Variants in ANKRD18B observed in about 807,000 individuals in gnomAD.
The protein encoded by ANKRD18B is ankyrin repeat domain-containing protein 18B.
Under a neutral mutation model 111.8 loss-of-function variants are expected in ANKRD18B, and 75 were observed. The observed-to-expected ratio is 0.67, with a 90% CI of 0.56 to 0.81. The LOEUF is 0.81. Among genes scored for constraint, ANKRD18B ranks in the 40% least tolerant of loss-of-function variants. The pLI, the probability that ANKRD18B is intolerant of heterozygous loss-of-function variation, is 0.00. For synonymous variants in ANKRD18B, 356 were observed against 417.3 expected, an observed-to-expected ratio of 0.85 and a Z score of 1.79; for missense variants, 1,038 against 1,225.5, an observed-to-expected ratio of 0.85 and a Z score of 2.28.
rs1216564360 is a variant in ANKRD18B, at chr9:33,548,525, G to T, written c.1737G>T (p.Gln579His). 6.4e-7 allele frequency: 1 copy of T among 1,551,012 alleles called. No homozygotes were observed. The highest frequency in any genetic ancestry group is 1.4e-5 in the African/African-American group (1 of 72,958). The part of the protein sequence containing the change: ...REKTLALESV[Q>H]LDLKQAQHRI... ...AGACATTGGCTTTAGAAAGTGTACAGCTGGACCTAAAGCAAGCGCAGCATC... is the reference window on the plus strand; with the variant it reads ...AGACATTGGCTTTAGAAAGTGTACATCTGGACCTAAAGCAAGCGCAGCATC... The change falls in exon 11 of 19, where the codon CAG becomes CAT. Residue 579 changes from glutamine to histidine, a missense_variant. Physicochemically the swap from Gln to His is conservative, Grantham distance 24. Coordinates refer to ENST00000684830, the MANE Select transcript of ANKRD18B (RefSeq NM_001393611.1).
intron 13 of ANKRD18B, among the ~76,000 whole-genome samples, chr9:33,556,364 A>G (rs1280072423): frequency 2.6e-5 from 4 of 151,378 alleles, no homozygotes; most frequent in African/African-American, 7.3e-5. Flanking sequence ...CCTGGGTTCA[A>G]GTGATTCTCT....
intron 17 of ANKRD18B, 51 bp from the exon 18 acceptor site, chr9:33,571,195 T>G: frequency 1.3e-6 from 1 of 767,548 alleles, no homozygotes; most frequent in Non-Finnish European, 1.6e-6. Context: ...CATGATAATG[T>G]CTCTTGTTTA....
intron 14 of ANKRD18B, among the ~76,000 whole-genome samples, chr9:33,565,131 C>T (rs56114080): frequency 0.087 from 13,200 of 152,216 alleles, 598 homozygotes; most frequent in South Asian, 0.098. Context: ...TGTTTACTTA[C>T]AATAGTTTGA....
intron 5 of ANKRD18B, among the ~76,000 whole-genome samples, chr9:33,535,705 A>G (rs181895540): frequency 6.4e-4 from 93 of 146,310 alleles, no homozygotes; most frequent in African/African-American, 2.3e-3. Flanking sequence ...TAATTATATT[A>G]TTTTTATATT....
At chr9:33,542,556 G>A (rs13289004) in intron 9 of ANKRD18B, among the ~76,000 whole-genome samples, 1 of 151,962 alleles carries the variant, frequency 6.6e-6, no homozygotes, top group Admixed American at 6.6e-5. Context: ...CAAATTTTCT[G>A]TAGAGTCAGG....
intron 10 of ANKRD18B, among the ~76,000 whole-genome samples, chr9:33,544,460 C>T (rs569520170): frequency 2.5e-4 from 38 of 152,204 alleles, no homozygotes; most frequent in African/African-American, 8.9e-4. Flanking sequence ...CACTTTTGCA[C>T]CTGCAAAAAA....
At chr9:33,525,872 G>A (rs1198675988) in intron 1 of ANKRD18B, among the ~76,000 whole-genome samples, 2 of 150,184 alleles carry the variant, frequency 1.3e-5, no homozygotes, top group Non-Finnish European at 3.0e-5. Flanking sequence ...GTATATATTA[G>A]TAACATAATG....
At chr9:33,573,113 T>C (rs1828808089), downstream of ANKRD18B, 1 of 1,228,814 alleles carries the variant, frequency 8.1e-7, no homozygotes, top group Non-Finnish European at 1.0e-6. Context: ...GTCAGCACTT[T>C]TTTACTTTCT....
intron 14 of ANKRD18B, among the ~76,000 whole-genome samples, chr9:33,561,619 C>T (rs3118174): frequency 0.14 from 21,431 of 152,100 alleles, 1,622 homozygotes; most frequent in South Asian, 0.2. Flanking sequence ...TTTATGCCAA[C>T]GTTTTCTTCT....
chr9:33,524,552 A>C lies in ANKRD18B; in HGVS notation c.63A>C (p.Gln21His), dbSNP rs1411010561. The C allele has an allele frequency of 1.9e-6, 3 of 1,551,272 alleles. No individual in the cohort carries two copies. Among genetic ancestry groups the C allele is most frequent in the African/African-American group, 2.7e-5 (2 of 73,012 alleles). Reference protein sequence around the residue: ...LGQALLSSMDQEYAGRGYHIR... With the variant: ...LGQALLSSMDHEYAGRGYHIR... The stretch of plus-strand genomic sequence containing the variant: ...AGGCGCTCCTGAGCTCCATGGACCA[A>C]GAGTATGCGGGTCGGGGGTACCACA... The change falls in exon 1 of 19, where the codon CAA becomes CAC. Residue 21 changes from glutamine to histidine, a missense_variant. By Grantham distance (24) the Gln-to-His change is conservative (BLOSUM62 0). Transcript: ENST00000684830.
At chr9:33,534,039 A>G (rs1248199509) in intron 4 of ANKRD18B, among the ~76,000 whole-genome samples, 1 of 152,098 alleles carries the variant, frequency 6.6e-6, no homozygotes, top group Non-Finnish European at 1.5e-5. Context: ...AAGCAATGGG[A>G]AAATCTTCAC....
intron 14 of ANKRD18B, among the ~76,000 whole-genome samples, chr9:33,565,708 A>G (rs537671553): frequency 5.9e-5 from 9 of 152,036 alleles, no homozygotes; most frequent in Non-Finnish European, 1.2e-4. Flanking sequence ...CCTGGCCTCC[A>G]GTGATCTTTC....
chr9:33,562,301 G>A (rs1357055527), intron 14 of ANKRD18B, among the ~76,000 whole-genome samples: 2 of 151,458 alleles, frequency 1.3e-5, no homozygotes, highest in African/African-American at 2.4e-5. Context: ...TTTCCTCAGT[G>A]GAAATCAAGT....
Position 33,548,546 on chromosome 9 carries a change from G to T in ANKRD18B, c.1758G>T (p.Gln586His), listed in dbSNP as rs544475099. Residue 586 changes from glutamine (Q) to histidine (H), a missense_variant, in exon 11 of 19, where the codon CAG becomes CAT. Coordinates refer to ENST00000684830, the MANE Select transcript of ANKRD18B (RefSeq NM_001393611.1). ...ESVQLDLKQA[Q>H]HRIKEMKQMH... ...TACAGCTGGACCTAAAGCAAGCGCA[G>T]CATCGAATAAAGGAAATGAAGCAGA... 8 of 1,550,882 alleles carry T rather than the reference G, an allele frequency of 5.2e-6. No individual in the cohort carries two copies. Among genetic ancestry groups the T allele is most frequent in the Non-Finnish European group, 7.0e-6 (8 of 1,146,572 alleles).
In ANKRD18B at chr9:33,529,133, G is replaced by A; in HGVS notation, c.455G>A (p.Arg152Lys). The A allele has an allele frequency of 6.2e-7, 1 of 1,611,896 alleles. No homozygotes were observed. The highest frequency in any genetic ancestry group is 2.2e-5 in the East Asian group (1 of 44,884). Residue 152 changes from arginine to lysine, a missense_variant, in exon 3 of 19, where the codon AGA (arginine) becomes AAA (lysine). Around this residue, in one of 4 missense-constraint regions of ANKRD18B, gnomAD observed 216 missense variants for 205.1 expected, o/e 1.05. Transcript: ENST00000684830. ...VYNEGTSLAE[R>K]LLSHHANIEA... ...AATGAGGGGACTTCACTGGCAGAAA[G>A]ACTGCTTTCCCACCATGCAAATATT...
chr9:33,527,261 A>G (rs1177933235), intron 1 of ANKRD18B, among the ~76,000 whole-genome samples: 1 of 152,160 alleles, frequency 6.6e-6, no homozygotes, highest in Admixed American at 6.6e-5. Context: ...AAAATGAGCC[A>G]TACCTATTCA....
At chr9:33,554,953 G>A (rs1424412826) in intron 12 of ANKRD18B, among the ~76,000 whole-genome samples, 2 of 149,008 alleles carry the variant, frequency 1.3e-5, no homozygotes, top group East Asian at 2.0e-4. Flanking sequence ...CAACCCAGAT[G>A]TCTGTTACCT....
At position 33,558,195 on chromosome 9, in the gene ANKRD18B, A is replaced by T. The variant is rs751843151; in HGVS notation, c.2460+8A>T. ...AAGAAGCTAAAACAGAAGGTAATTTAAAAAATTATTATTTTATCTTAAGGT... is the reference window on the plus strand; with the variant it reads ...AAGAAGCTAAAACAGAAGGTAATTTTAAAAATTATTATTTTATCTTAAGGT... On this transcript the variant is annotated splice_region_variant and intron_variant, in intron 14 of 18. Transcript: ENST00000684830. 62 of 1,602,126 alleles carry T rather than the reference A, an allele frequency of 3.9e-5. No individual in the cohort carries two copies. The highest frequency in any genetic ancestry group is 5.2e-5 in the Non-Finnish European group (61 of 1,174,782).
At chr9:33,561,809 TC>T (rs777842178) in intron 14 of ANKRD18B, among the ~76,000 whole-genome samples, 1 of 152,244 alleles carries the variant, frequency 6.6e-6, no homozygotes, top group Non-Finnish European at 1.5e-5. Flanking sequence ...TTGTATAAAA[TC>T]AATTGACTGT....
Sources: gnomAD v4.1 joint callset for allele counts (sites outside exome capture counted in the v4.1 genomes callset) on GRCh38, gnomAD v4.1.1 for gene constraint, gnomAD v4.1.1 regional missense constraint, MANE v1.5 for transcripts, NCBI Gene and HGNC (gene_info 2026-07-23, HGNC 2026-07-21) for gene names.